The following DCBLD1 variants were observed in gnomAD, a reference collection of about 807,000 sequenced individuals.
The protein encoded by DCBLD1 is discoidin, CUB and LCCL domain containing 1.
In DCBLD1, 57 loss-of-function variants were observed where a neutral mutation model predicts 71.5. The observed-to-expected ratio is 0.80, with a 90% CI of 0.64 to 0.99. The LOEUF (loss-of-function observed/expected upper bound fraction) is 0.99. DCBLD1 is among the 50% of genes least tolerant of loss of function. The pLI is 0.00. For synonymous variants in DCBLD1, 380 were observed against 363.8 expected (o/e 1.04, Z -0.51); for missense variants, 891 against 923.5 (o/e 0.96, Z 0.46).
intron 5 of DCBLD1, among the ~76,000 whole-genome samples, chr6:117,531,630 GC>G (rs1406010163): frequency 2.0e-5 from 3 of 152,188 alleles, no homozygotes; most frequent in African/African-American, 7.2e-5. Flanking sequence ...GAGGCTGTCA[GC>G]CCTGAGTTGC....
rs776764134 is a variant in DCBLD1 at position 117,548,426 on chromosome 6, C to T, written c.2135C>T (p.Thr712Ile). 6.4e-7 allele frequency: 1 copy of T among 1,550,668 alleles called. No individual in the cohort carries two copies. Among genetic ancestry groups the T allele is most frequent in the Non-Finnish European group, 8.7e-7 (1 of 1,147,012 alleles). ...CLTPLNQTAMTALL is the reference protein window; with the variant it reads ...CLTPLNQTAMIALL The stretch of plus-strand genomic sequence containing the variant: ...ACACCCCTCAACCAGACGGCCATGA[C>T]TGCCCTTTTGTGAACACAATGTGAA... Residue 712 changes from threonine (T) to isoleucine (I), a missense_variant, in exon 15 of 15, where the codon ACT becomes ATT. Physicochemically the swap from Thr to Ile is moderately conservative, Grantham distance 89. Transcript: ENST00000338728.
chr6:117,486,636 C>T (rs1397605524), intron 1 of DCBLD1, among the ~76,000 whole-genome samples: 1 of 152,184 alleles, frequency 6.6e-6, no homozygotes. Context: ...ATAGTCTTGC[C>T]CCAAATATCC....
chr6:117,524,602 C>T (rs1048961587), intron 4 of DCBLD1, among the ~76,000 whole-genome samples: 8 of 152,020 alleles, frequency 5.3e-5, no homozygotes, highest in South Asian at 4.2e-4. Flanking sequence ...CCACTAGCCA[C>T]GGGTACCTAA....
chr6:117,541,116 C>A, intron 11 of DCBLD1, 91 bp downstream of exon 11: 2 of 1,165,354 alleles, frequency 1.7e-6, no homozygotes, highest in South Asian at 2.8e-5. Flanking sequence ...TTTTCTCTGT[C>A]ATATAAACAT....
rs115140736 is a variant in DCBLD1 at position 117,563,278 on chromosome 6, A to T, written c.1616-6342A>T. The T allele has an allele frequency of 3.7e-5, 59 of 1,613,140 alleles. No individual in the cohort carries two copies. In the East Asian group the frequency reaches 1.1e-3, roughly 31 times the overall value. ...TTTAATAAGATTTTTTATGATACAG[A>T]GTGTGCAGATCATCTAATTTTGAAG... On this transcript the variant is annotated intron_variant, in intron 14 of 14. Coordinates refer to the DCBLD1 transcript ENST00000296955.
rs1212257322 is a variant in DCBLD1 at position 117,538,613 on chromosome 6, T to C, written c.761-7T>C. On this transcript the variant is annotated splice_region_variant and splice_polypyrimidine_tract_variant and intron_variant, in intron 7 of 14. Transcript: ENST00000338728. ...ATCTAAAATATCTTACTGCACTCTT[T>C]TTTCAGGTTGCAGCAGATCCTTGAG... 6.2e-7 allele frequency: 1 copy of C among 1,613,732 alleles called. No individual in the cohort carries two copies. The highest frequency in any genetic ancestry group is 8.5e-7 in the Non-Finnish European group (1 of 1,179,906).
At chr6:117,564,968 G>C (rs1360168962) in intron 14 of DCBLD1, among the ~76,000 whole-genome samples, 1 of 152,062 alleles carries the variant, frequency 6.6e-6, no homozygotes, top group African/African-American at 2.4e-5. Flanking sequence ...CAACATTTTG[G>C]TCTCAGGAGG....
intron 1 of DCBLD1, among the ~76,000 whole-genome samples, chr6:117,500,923 A>G (rs1777635656): frequency 6.6e-6 from 1 of 152,186 alleles, no homozygotes; most frequent in Admixed American, 6.5e-5. Flanking sequence ...TAAAAAAATA[A>G]AATTTAGAAT....
At chr6:117,499,550 T>C (rs1293180607) in intron 1 of DCBLD1, among the ~76,000 whole-genome samples, 2 of 152,230 alleles carry the variant, frequency 1.3e-5, no homozygotes, top group Non-Finnish European at 2.9e-5. Context: ...TTTTCAATTA[T>C]TTAATTAACC....
intron 9 of DCBLD1, 179 bp downstream of exon 9, chr6:117,539,558 C>A: frequency 1.6e-6 from 1 of 622,698 alleles, no homozygotes; most frequent in Non-Finnish European, 2.4e-6. Flanking sequence ...TTGAGACCAT[C>A]CTGGGCAACA....
chr6:117,507,683 T>A (rs1021207546), intron 2 of DCBLD1, among the ~76,000 whole-genome samples: 1 of 152,178 alleles, frequency 6.6e-6, no homozygotes, highest in African/African-American at 2.4e-5. Flanking sequence ...CAATTCAGGA[T>A]CATAAAGCAG....
At chr6:117,539,881 G>A in intron 9 of DCBLD1, 1 of 152,578 alleles carries the variant, frequency 6.6e-6, no homozygotes, top group Non-Finnish European at 1.5e-5. Flanking sequence ...GACCAGCCTG[G>A]CCAACATAGT....
chr6:117,546,980 G>A (rs1038622831), intron 14 of DCBLD1, among the ~76,000 whole-genome samples: 1 of 152,086 alleles, frequency 6.6e-6, no homozygotes, highest in Non-Finnish European at 1.5e-5. Context: ...CTTGCCTCCC[G>A]GCTTTCCTCA....
intron 14 of DCBLD1, chr6:117,563,103 T>G: frequency 7.6e-6 from 5 of 658,116 alleles, no homozygotes; most frequent in South Asian, 1.9e-5. Context: ...TTTTATGCAT[T>G]GAGAATTGTT....
At chr6:117,549,933 C>T (rs1779397879), downstream of DCBLD1, 6 of 857,010 alleles carry the variant, frequency 7.0e-6, no homozygotes, top group Non-Finnish European at 8.4e-6. Context: ...CCCCAATCTA[C>T]CACAGAAGAG....
In DCBLD1 at chr6:117,544,592, C is replaced by T. The variant is rs1485101957; in HGVS notation, c.1495+15C>T. On this transcript the variant is annotated intron_variant, in intron 13 of 14. Transcript: ENST00000338728. The stretch of plus-strand genomic sequence containing the variant: ...TCAGAAAACAGGTTGGTTGAAAACT[C>T]TATCTACAATTTTATCTGTCTTTGA... 2.5e-6 allele frequency: 4 copies of T among 1,613,598 alleles called. No homozygotes were observed. In the African/African-American group the frequency reaches 4.0e-5, roughly 16 times the overall value.
chr6:117,483,133 C>T (rs1167948685), intron 1 of DCBLD1, among the ~76,000 whole-genome samples: 1 of 152,204 alleles, frequency 6.6e-6, no homozygotes, highest in Non-Finnish European at 1.5e-5. Context: ...TTCCTTCCCC[C>T]AAAACCAGAG....
intron 1 of DCBLD1, among the ~76,000 whole-genome samples, chr6:117,483,107 T>G (rs951243378): frequency 1.3e-5 from 2 of 151,800 alleles, no homozygotes; most frequent in Non-Finnish European, 2.9e-5. Context: ...TCCTTGTCGC[T>G]CCCCCACCAA....
intron 4 of DCBLD1, among the ~76,000 whole-genome samples, chr6:117,523,103 G>A (rs1258064159): frequency 6.6e-6 from 1 of 152,134 alleles, no homozygotes; most frequent in Non-Finnish European, 1.5e-5. Flanking sequence ...ATCTATTATA[G>A]CTATACCTCT....
Sources: allele counts gnomAD v4.1 joint callset (sites outside exome capture counted in the v4.1 genomes callset), GRCh38; gene constraint gnomAD v4.1.1; transcripts MANE v1.5; gene names NCBI Gene and HGNC (gene_info 2026-07-23, HGNC 2026-07-21).